R3HDM2: variants seen among roughly 807,000 people sequenced by gnomAD.
The protein encoded by R3HDM2 is R3H domain-containing protein 2.
A neutral mutation model predicts 124.5 loss-of-function variants in R3HDM2; 38 were observed. The observed-to-expected ratio is 0.31, with a 90% CI of 0.24 to 0.40. The LOEUF (loss-of-function observed/expected upper bound fraction) is 0.40. Among genes scored for constraint, R3HDM2 ranks in the 10% least tolerant of loss-of-function variants. The pLI is 1.00. For missense variants in R3HDM2, 869 were observed against 1,236.9 expected, an observed-to-expected ratio of 0.70 and a Z score of 4.46; for synonymous variants, 391 against 448.0, an observed-to-expected ratio of 0.87 and a Z score of 1.61.
intron 2 of R3HDM2, among the ~76,000 whole-genome samples, chr12:57,331,648 C>T (rs2058211596): frequency 6.6e-6 from 1 of 152,096 alleles, no homozygotes; most frequent in African/African-American, 2.4e-5. Context: ...TTTTTTATGG[C>T]TCACGCCTGT....
At chr12:57,338,955 T>C (rs2059213363) in intron 2 of R3HDM2, among the ~76,000 whole-genome samples, 1 of 152,192 alleles carries the variant, frequency 6.6e-6, no homozygotes, top group African/African-American at 2.4e-5. Context: ...TATGTATATA[T>C]TAACTCTTTT....
At chr12:57,256,109 AAAC>A in intron 22 of R3HDM2, 35 bp from the exon 23 acceptor site, 2 of 1,581,350 alleles carry the variant, frequency 1.3e-6, no homozygotes, top group Non-Finnish European at 1.7e-6. Flanking sequence ...CATCCCATGT[AAAC>A]AACATTGACT....
At chr12:57,374,894 G>A (rs561061551) in intron 2 of R3HDM2, among the ~76,000 whole-genome samples, 3 of 150,876 alleles carry the variant, frequency 2.0e-5, no homozygotes, top group South Asian at 2.1e-4. Context: ...TACTCTGGAG[G>A]CTGAGGCAGG....
intron 2 of R3HDM2, among the ~76,000 whole-genome samples, chr12:57,352,271 G>A (rs1341101758): frequency 2.0e-5 from 3 of 147,862 alleles, no homozygotes; most frequent in Non-Finnish European, 4.5e-5. Context: ...AACAAATCTA[G>A]GGAAAAGAGA....
chr12:57,298,662 T>TAAA (rs750641295), intron 6 of R3HDM2, among the ~76,000 whole-genome samples: 2 of 141,634 alleles, frequency 1.4e-5, no homozygotes, highest in African/African-American at 5.2e-5. Context: ...TCTGCATTAT[T>TAAA]AAAAAAAAAA....
At chr12:57,375,078 CCAGA>C (rs1414532717) in intron 2 of R3HDM2, among the ~76,000 whole-genome samples, 2 of 151,604 alleles carry the variant, frequency 1.3e-5, no homozygotes, top group African/African-American at 2.4e-5. Context: ...AATGACCAGA[CCAGA>C]CATATTCCAC....
chr12:57,377,207 C>G (rs2064205721), intron 2 of R3HDM2, among the ~76,000 whole-genome samples: 1 of 151,186 alleles, frequency 6.6e-6, no homozygotes. Context: ...AAAACCATGC[C>G]CCAAAAACTT....
intron 1 of R3HDM2, among the ~76,000 whole-genome samples, chr12:57,398,492 CTCTT>C (rs1202488520): frequency 1.3e-5 from 2 of 151,284 alleles, no homozygotes; most frequent in Non-Finnish European, 2.9e-5. Flanking sequence ...TCCTTTCTCT[CTCTT>C]TTTTTTTTTT....
rs2043104389 is a variant in R3HDM2, at chr12:57,269,308, A to G, written c.1714+15T>C. On this transcript the variant is annotated intron_variant, in intron 16 of 23. Transcript: ENST00000402412. ...CCCTTATTCACTGCCTTCTTAAACCAGTGGTTTCTCTTACCAGGCTGCTGG... is the reference window on the plus strand; with the variant it reads ...CCCTTATTCACTGCCTTCTTAAACCGGTGGTTTCTCTTACCAGGCTGCTGG... 6.2e-7 allele frequency: 1 copy of G among 1,612,822 alleles called. No homozygotes were observed. The highest frequency in any genetic ancestry group is 8.5e-7 in the Non-Finnish European group (1 of 1,179,742).
chr12:57,398,101 A>T (rs1019540123), intron 1 of R3HDM2, among the ~76,000 whole-genome samples: 2 of 151,704 alleles, frequency 1.3e-5, no homozygotes, highest in African/African-American at 4.8e-5. Flanking sequence ...AAATCGCTTG[A>T]AACTGGTGGT....
At chr12:57,347,266 G>T (rs1028654834) in intron 2 of R3HDM2, among the ~76,000 whole-genome samples, 1 of 151,872 alleles carries the variant, frequency 6.6e-6, no homozygotes, top group South Asian at 2.1e-4. Flanking sequence ...AGTTAGGTGT[G>T]TATATCTACA....
At chr12:57,257,357 C>T (rs2039386698) in intron 21 of R3HDM2, among the ~76,000 whole-genome samples, 1 of 152,126 alleles carries the variant, frequency 6.6e-6, no homozygotes, top group Non-Finnish European at 1.5e-5. Flanking sequence ...TATAGCAATG[C>T]CTGGTACATA....
chr12:57,425,415 G>T (rs985080905), intron 1 of R3HDM2, among the ~76,000 whole-genome samples: 5 of 152,234 alleles, frequency 3.3e-5, no homozygotes, highest in African/African-American at 1.2e-4. Flanking sequence ...CCCATTAACT[G>T]TTCTCTCCTA....
chr12:57,334,971 C>T (rs1231458669), intron 2 of R3HDM2, among the ~76,000 whole-genome samples: 1 of 146,558 alleles, frequency 6.8e-6, no homozygotes, highest in Admixed American at 6.8e-5. Flanking sequence ...GACCCCACCT[C>T]TACCAAAAAA....
chr12:57,363,460 T>C (rs1170269658), intron 2 of R3HDM2, among the ~76,000 whole-genome samples: 1 of 152,134 alleles, frequency 6.6e-6, no homozygotes, highest in African/African-American at 2.4e-5. Context: ...AGGGAGAGAT[T>C]TGTTAAAGGA....
intron 14 of R3HDM2, 42 bp downstream of exon 14, chr12:57,280,316 G>A (rs1592673076): frequency 3.8e-6 from 6 of 1,566,594 alleles, no homozygotes; most frequent in Non-Finnish European, 3.5e-6. Context: ...AAGTTTGCTT[G>A]AATCAGAGTG....
Position 57,289,048 on chromosome 12 carries a change from A to AG in R3HDM2, c.907-9dup, listed in dbSNP as rs763834469. ...ATATCCGTTCTGGCCAGTCTAGGTG[A>AG]GGGGGAGAAAACGGAAAATAACTTA... On this transcript the variant is annotated splice_polypyrimidine_tract_variant and intron_variant, in intron 11 of 23. Transcript: ENST00000402412. 8.3e-5 allele frequency: 129 copies of AG among 1,545,858 alleles called. 1 individual carries two copies. In the African/African-American group the frequency reaches 1.6e-3, roughly 20 times the overall value.
At chr12:57,408,726 A>G (rs1047131734) in intron 1 of R3HDM2, among the ~76,000 whole-genome samples, 1 of 152,094 alleles carries the variant, frequency 6.6e-6, no homozygotes, top group Non-Finnish European at 1.5e-5. Flanking sequence ...TAAAAGAGCA[A>G]ATCTCAAAAA....
At chr12:57,408,885 T>G (rs2068760946) in intron 1 of R3HDM2, among the ~76,000 whole-genome samples, 1 of 151,526 alleles carries the variant, frequency 6.6e-6, no homozygotes, top group African/African-American at 2.4e-5. Flanking sequence ...AGATGATTAC[T>G]GAAATGAATT....
Sources: allele counts gnomAD v4.1 joint callset (sites outside exome capture counted in the v4.1 genomes callset), GRCh38; gene constraint gnomAD v4.1.1; transcripts MANE v1.5; gene names NCBI Gene and HGNC (gene_info 2026-07-23, HGNC 2026-07-21).